Variants in PTPRM observed in about 807,000 individuals in gnomAD.
PTPRM encodes receptor-type tyrosine-protein phosphatase mu.
In PTPRM, 47 loss-of-function variants were observed where a neutral mutation model predicts 186.7. The ratio of observed to expected loss-of-function variants is 0.25; its 90% CI spans 0.20 to 0.32. The LOEUF (loss-of-function observed/expected upper bound fraction) is 0.32, where lower values mean the gene tolerates loss of function less well. Among genes scored for constraint, PTPRM ranks in the 10% least tolerant of loss-of-function variants. The probability of loss-of-function intolerance (pLI) is 1.00; values close to 1 mark genes in which losing one functional copy is unlikely to be tolerated. For missense variants in PTPRM, 1,494 were observed against 1,865.0 expected (o/e 0.80, Z 3.66); for synonymous variants, 668 against 674.9 (o/e 0.99, Z 0.16).
Position 7,955,138 on chromosome 18 carries a change from GC to G in PTPRM, c.860del (p.Pro287HisfsTer7). 2 of 1,606,592 alleles carry G rather than the reference GC, an allele frequency of 1.2e-6. No homozygotes were observed. Among genetic ancestry groups the G allele is most frequent in the Non-Finnish European group, 1.7e-6 (2 of 1,173,918 alleles). ...TCTTTCAGAACCACCCGTTCCTATT[GC>G]CCCACCTCAGCTCGCCTCTGTAGGA... is the stretch of plus-strand genomic sequence containing the variant. ...LVVKEPPVPI[A>X]PPQLASVGAT... On this transcript the variant is annotated frameshift_variant, in exon 7 of 33. Coordinates refer to ENST00000580170, the MANE Select transcript of PTPRM (RefSeq NM_001105244.2). LOFTEE classifies it high-confidence loss of function.
intron 19 of PTPRM, among the ~76,000 whole-genome samples, chr18:8,272,693 ATTAG>A (rs1385459516): frequency 6.6e-6 from 1 of 152,142 alleles, no homozygotes; most frequent in Non-Finnish European, 1.5e-5. Flanking sequence ...ATTTGTGAAC[ATTAG>A]TTAGAGCCTT....
At chr18:7,840,818 A>G (rs2046285632) in intron 2 of PTPRM, among the ~76,000 whole-genome samples, 1 of 152,238 alleles carries the variant, frequency 6.6e-6, no homozygotes, top group African/African-American at 2.4e-5. Context: ...TTTTGCTTTG[A>G]CATGCCCTTG....
At chr18:7,935,012 G>T (rs2051716034) in intron 5 of PTPRM, among the ~76,000 whole-genome samples, 1 of 151,906 alleles carries the variant, frequency 6.6e-6, no homozygotes, top group Non-Finnish European at 1.5e-5. Context: ...TTTCTAGGTG[G>T]CTTTTAGTTT....
rs148743765 is a variant in PTPRM at position 8,263,413 on chromosome 18, A to G, written c.2754+9999A>G. ...TGTGAGCCACCACTCCCAGCTGAGG[A>G]TGAACATTTTTAATACATGTTTGCT... On this transcript the variant is annotated intron_variant, in intron 19 of 32. Coordinates refer to ENST00000580170, the MANE Select transcript of PTPRM (RefSeq NM_001105244.2). Among the ~76,000 whole-genome samples the G allele has an allele frequency of 6.2e-3, 951 of 152,192 alleles. 10 individuals are homozygous for G. Among genetic ancestry groups the G allele is most frequent in the African/African-American group, 0.022 (894 of 41,554 alleles).
chr18:8,291,802 G>A (rs1319140702), intron 19 of PTPRM, among the ~76,000 whole-genome samples: 1 of 150,920 alleles, frequency 6.6e-6, no homozygotes, highest in Non-Finnish European at 1.5e-5. Flanking sequence ...TTTTCCCCAG[G>A]CACATTTTAC....
At chr18:7,928,596 A>G (rs1002019509) in intron 5 of PTPRM, among the ~76,000 whole-genome samples, 1 of 152,224 alleles carries the variant, frequency 6.6e-6, no homozygotes. Context: ...ATTTATCTCT[A>G]GAAATCTTAA....
chr18:8,105,276 C>G (rs1203688321), intron 11 of PTPRM, among the ~76,000 whole-genome samples: 2 of 152,132 alleles, frequency 1.3e-5, no homozygotes, highest in African/African-American at 4.8e-5. Context: ...ACTACCCCCA[C>G]CCCACCTGCT....
In PTPRM at chr18:8,296,422, A is replaced by G; in HGVS notation, c.2809A>G (p.Arg937Gly). Residue 937 changes from arginine (R) to glycine (G), a missense_variant, in exon 20 of 33, where the codon AGA (arginine) becomes GGA (glycine). By Grantham distance (125) the Arg-to-Gly change is moderately radical. Transcript: ENST00000580170. ...GGACTCGGCTAAGAAAGATGAGAAC[A>G]GAATGAAGAACAGATACGGGAATAT... Reference protein sequence around the residue: ...PWDSAKKDENRMKNRYGNIIA... With the variant: ...PWDSAKKDENGMKNRYGNIIA... 6.2e-7 allele frequency: 1 copy of G among 1,610,828 alleles called. No individual in the cohort carries two copies. Among genetic ancestry groups the G allele is most frequent in the Middle Eastern group, 1.7e-4 (1 of 6,058 alleles).
At chr18:8,228,296 G>A (rs1024880461) in intron 14 of PTPRM, among the ~76,000 whole-genome samples, 1 of 151,916 alleles carries the variant, frequency 6.6e-6, no homozygotes, top group African/African-American at 2.4e-5. Context: ...GAGAGGGAAA[G>A]GAGGAAACAG....
intron 21 of PTPRM, among the ~76,000 whole-genome samples, chr18:8,316,971 C>T (rs1030220486): frequency 5.3e-5 from 8 of 152,142 alleles, no homozygotes; most frequent in African/African-American, 1.9e-4. Context: ...AGCAGGCAAT[C>T]ATTGGCATGG....
chr18:7,842,536 G>C (rs866816255), intron 2 of PTPRM, among the ~76,000 whole-genome samples: 27 of 152,120 alleles, frequency 1.8e-4, no homozygotes, highest in African/African-American at 6.5e-4. Context: ...CAGTGGGCTT[G>C]AGTTGAGATT....
At chr18:8,234,389 T>C (rs1601382163) in intron 14 of PTPRM, among the ~76,000 whole-genome samples, 1 of 152,326 alleles carries the variant, frequency 6.6e-6, no homozygotes, top group East Asian at 1.9e-4. Flanking sequence ...AGTTGCTCAT[T>C]GCTGGTATAT....
At chr18:7,973,977 A>C (rs2054755368) in intron 7 of PTPRM, among the ~76,000 whole-genome samples, 1 of 151,876 alleles carries the variant, frequency 6.6e-6, no homozygotes, top group Non-Finnish European at 1.5e-5. Context: ...AAAAAAAAAA[A>C]AAGACTTGAG....
At chr18:8,290,527 G>C (rs2095031266) in intron 19 of PTPRM, among the ~76,000 whole-genome samples, 1 of 152,106 alleles carries the variant, frequency 6.6e-6, no homozygotes, top group Non-Finnish European at 1.5e-5. Context: ...GGCGGTATGA[G>C]GGGTGGGGAA....
chr18:8,089,392 G>T (rs977106894), intron 11 of PTPRM, among the ~76,000 whole-genome samples: 2 of 152,126 alleles, frequency 1.3e-5, no homozygotes, highest in Admixed American at 1.3e-4. Context: ...ATCTAGGCCC[G>T]CATCTTATTC....
intron 28 of PTPRM, 145 bp from the exon 29 acceptor site, chr18:8,380,151 G>T: frequency 1.2e-5 from 9 of 771,440 alleles, no homozygotes; most frequent in East Asian, 2.7e-5. Flanking sequence ...AGTCTATGTT[G>T]GTGCTGACAA....
intron 1 of PTPRM, among the ~76,000 whole-genome samples, chr18:7,697,931 T>G (rs1475288081): frequency 6.6e-6 from 1 of 152,192 alleles, no homozygotes; most frequent in Non-Finnish European, 1.5e-5. Context: ...TGCCAAGTGG[T>G]AAAAACTGAA....
In PTPRM at chr18:7,881,570, G is replaced by A. The variant is rs572946843; in HGVS notation, c.197-6536G>A. 1.4e-4 allele frequency among the ~76,000 whole-genome samples: 21 copies of A among 152,284 alleles called. No individual in the cohort carries two copies. In the East Asian group the frequency reaches 3.5e-3, roughly 25 times the overall value. The stretch of plus-strand genomic sequence containing the variant: ...CTTTGCATTCCCCTTGGCCCTATCC[G>A]ATGCTTTCACTTGTCCTCTAGTGGG... On this transcript the variant is annotated intron_variant, in intron 2 of 32. Transcript: ENST00000580170.
At chr18:7,797,120 G>A (rs562186850) in intron 2 of PTPRM, among the ~76,000 whole-genome samples, 1 of 152,274 alleles carries the variant, frequency 6.6e-6, no homozygotes, top group South Asian at 2.1e-4. Flanking sequence ...TCTCTAAAAT[G>A]AAGATGAAAC....
Sources: gnomAD v4.1 joint callset for allele counts (sites outside exome capture counted in the v4.1 genomes callset) on GRCh38, gnomAD v4.1.1 for gene constraint, MANE v1.5 for transcripts, NCBI Gene and HGNC (gene_info 2026-07-23, HGNC 2026-07-21) for gene names.